IRAK1BP1: variants seen among roughly 807,000 people sequenced by gnomAD.
IRAK1BP1 encodes the protein interleukin 1 receptor associated kinase 1 binding protein 1.
IRAK1BP1 carries 24 observed loss-of-function variants against 28.0 expected under a neutral mutation model. That is an observed-to-expected ratio of 0.86 (90% CI 0.62 to 1.20). The LOEUF is 1.20. Among genes scored for constraint, IRAK1BP1 ranks in the 50% most tolerant of loss-of-function variants. The probability of loss-of-function intolerance (pLI) is 0.00; values close to 1 mark genes in which losing one functional copy is unlikely to be tolerated. For synonymous variants in IRAK1BP1, 131 were observed against 116.3 expected (o/e 1.13, Z -0.81); for missense variants, 336 against 316.7 (o/e 1.06, Z -0.46).
intron 4 of IRAK1BP1, among the ~76,000 whole-genome samples, chr6:78,942,051 A>T (rs941949838): frequency 1.3e-5 from 2 of 152,176 alleles, no homozygotes; most frequent in Non-Finnish European, 1.5e-5. Flanking sequence ...AATTTCTGAC[A>T]TGTTTTTATT....
At position 78,897,467 on chromosome 6, in the gene IRAK1BP1, T is replaced by C. The variant is rs535549189; in HGVS notation, c.382-362T>C. 2.6e-5 allele frequency among the ~76,000 whole-genome samples: 4 copies of C among 152,212 alleles called. No individual in the cohort carries two copies. In the East Asian group the frequency reaches 7.7e-4, roughly 29 times the overall value. ...ATGATAGCAGTGAAGTATGGCATGA[T>C]TACTACTAATCAGGAAGCTAAGGGC... On this transcript the variant is annotated intron_variant, in intron 2 of 3. Transcript: ENST00000369940.
the IRAK1BP1 span, chr6:78,963,223 C>T: frequency 6.2e-7 from 1 of 1,606,936 alleles, no homozygotes; most frequent in Non-Finnish European, 8.5e-7. Flanking sequence ...GTTAAAGGAA[C>T]ACTGGTACCT....
the IRAK1BP1 span, chr6:78,963,064 G>C: frequency 6.8e-4 from 1,050 of 1,536,140 alleles, 12 homozygotes; most frequent in Admixed American, 7.1e-3. Context: ...TGTTCTGCCA[G>C]TTTTTTCTAT....
the IRAK1BP1 span, chr6:78,978,748 C>A: frequency 3.3e-6 from 5 of 1,518,606 alleles, no homozygotes; most frequent in South Asian, 3.6e-5. Flanking sequence ...AAGTAATAAT[C>A]AAAAAAGCAT....
intron 2 of IRAK1BP1, among the ~76,000 whole-genome samples, 178 bp from the exon 3 acceptor site, chr6:78,897,651 A>G (rs578254787): frequency 6.6e-6 from 1 of 152,226 alleles, no homozygotes; most frequent in African/African-American, 2.4e-5. Context: ...AAAATTCAAA[A>G]GCAAAAATCT....
chr6:78,919,406 T>A (rs1382052204), intron 4 of IRAK1BP1, among the ~76,000 whole-genome samples: 2 of 152,120 alleles, frequency 1.3e-5, no homozygotes, highest in Non-Finnish European at 2.9e-5. Flanking sequence ...GACCCAAAGC[T>A]GGCTCTTTGA....
At chr6:78,969,659 C>T in the IRAK1BP1 span, among the ~76,000 whole-genome samples, 1 of 151,974 alleles carries the variant, frequency 6.6e-6, no homozygotes, top group Non-Finnish European at 1.5e-5. Context: ...TGTTTTCATT[C>T]CTAAACAAAA....
intron 4 of IRAK1BP1, among the ~76,000 whole-genome samples, chr6:78,914,847 G>A (rs558717844): frequency 6.6e-6 from 1 of 152,248 alleles, no homozygotes; most frequent in Non-Finnish European, 1.5e-5. Context: ...TTGAGATGGA[G>A]TCTTGCTCTA....
chr6:78,869,581 G>A (rs1770718936), intron 1 of IRAK1BP1, among the ~76,000 whole-genome samples: 1 of 152,148 alleles, frequency 6.6e-6, no homozygotes, highest in South Asian at 2.1e-4. Context: ...AGTGTTCAAG[G>A]CAAGACATAA....
rs200563777 is a variant in IRAK1BP1, at chr6:78,867,767, G to T, written c.191G>T (p.Gly64Val). 48 of 1,614,104 alleles carry T rather than the reference G, an allele frequency of 3.0e-5. No homozygotes were observed. In the East Asian group the frequency reaches 1.0e-3, roughly 34 times the overall value. Residue 64 changes from glycine to valine, a missense_variant, in exon 1 of 4, where the codon GGC becomes GTC. Coordinates refer to ENST00000369940, the MANE Select transcript of IRAK1BP1 (RefSeq NM_001010844.4). ...AGCGGCACCTCAGAAGTGTCTGCGG[G>T]CCCTGACCGGGCGCAGGTGGTGGTG... ...QVSGTSEVSAGPDRAQVVVRV... is the reference protein window; with the variant it reads ...QVSGTSEVSAVPDRAQVVVRV...
At chr6:78,929,050 C>T (rs984371202) in intron 4 of IRAK1BP1, among the ~76,000 whole-genome samples, 3 of 152,090 alleles carry the variant, frequency 2.0e-5, no homozygotes, top group Non-Finnish European at 4.4e-5. Context: ...AGTATTCCCT[C>T]CTCCTGTATT....
intron 1 of IRAK1BP1, among the ~76,000 whole-genome samples, chr6:78,876,425 T>G (rs1187627753): frequency 1.3e-5 from 2 of 152,248 alleles, no homozygotes; most frequent in South Asian, 4.1e-4. Flanking sequence ...TATTCCTGTC[T>G]TGACCATTTT....
the IRAK1BP1 span, chr6:78,971,002 T>A: frequency 6.1e-6 from 4 of 660,490 alleles, no homozygotes; most frequent in African/African-American, 7.5e-5. Flanking sequence ...CTAATAGAAA[T>A]TCTAATATTT....
chr6:78,917,706 A>G (rs1772598524), intron 4 of IRAK1BP1, among the ~76,000 whole-genome samples: 1 of 151,910 alleles, frequency 6.6e-6, no homozygotes, highest in Non-Finnish European at 1.5e-5. Flanking sequence ...AGAGAATTCC[A>G]TCAGACTAAC....
At chr6:78,894,521 A>C (rs1771809647) in intron 2 of IRAK1BP1, among the ~76,000 whole-genome samples, 1 of 152,244 alleles carries the variant, frequency 6.6e-6, no homozygotes, top group Non-Finnish European at 1.5e-5. Flanking sequence ...TCAAGAGGAC[A>C]TACAGCACTA....
At chr6:78,953,612 A>G in the IRAK1BP1 span, among the ~76,000 whole-genome samples, 1 of 152,252 alleles carries the variant, frequency 6.6e-6, no homozygotes, top group African/African-American at 2.4e-5. Flanking sequence ...CGCTGGAATT[A>G]AAGATTTCTC....
At chr6:78,921,647 C>T (rs966439888) in intron 4 of IRAK1BP1, among the ~76,000 whole-genome samples, 3 of 152,194 alleles carry the variant, frequency 2.0e-5, no homozygotes, top group Non-Finnish European at 2.9e-5. Flanking sequence ...CCCTGACCCA[C>T]GAGTGGCCTA....
At chr6:78,938,667 T>G (rs568191519) in intron 4 of IRAK1BP1, 1 of 151,836 alleles carries the variant, frequency 6.6e-6, no homozygotes, top group African/African-American at 2.4e-5. Flanking sequence ...TACTGAATTT[T>G]AATTTTATAG....
At chr6:78,960,570 G>A in the IRAK1BP1 span, among the ~76,000 whole-genome samples, 5 of 151,402 alleles carry the variant, frequency 3.3e-5, no homozygotes, top group Non-Finnish European at 7.4e-5. Flanking sequence ...TTATCTCTAC[G>A]CTTTTTGACA....
Sources: allele counts gnomAD v4.1 joint callset (sites outside exome capture counted in the v4.1 genomes callset), GRCh38; gene constraint gnomAD v4.1.1; transcripts MANE v1.5; gene names NCBI Gene and HGNC (gene_info 2026-07-23, HGNC 2026-07-21).